The following NEK4 variants were observed in gnomAD, a reference collection of about 807,000 sequenced individuals.
NEK4 encodes NIMA related kinase 4, also known as serine/threonine-protein kinase Nek4.
Under a neutral mutation model 98.4 loss-of-function variants are expected in NEK4, and 86 were observed. The ratio of observed to expected loss-of-function variants is 0.87; its 90% CI spans 0.73 to 1.05. NEK4 has a LOEUF of 1.05. NEK4 is among the 50% of genes least tolerant of loss of function. NEK4 has a pLI of 0.00. For missense variants in NEK4, 898 were observed against 950.3 expected (o/e 0.94, Z 0.72); for synonymous variants, 328 against 342.2 (o/e 0.96, Z 0.46).
chr3:52,739,294 G>T, intron 14 of NEK4, 135 bp downstream of exon 14: 1 of 687,850 alleles, frequency 1.5e-6, no homozygotes, highest in Non-Finnish European at 2.5e-6. Flanking sequence ...AGCTACTTGG[G>T]AGGCTGAAGC....
At chr3:52,721,168 C>G (rs1401387287) in intron 15 of NEK4, among the ~76,000 whole-genome samples, 1 of 152,190 alleles carries the variant, frequency 6.6e-6, no homozygotes, top group East Asian at 1.9e-4. Flanking sequence ...TTGCATGCTG[C>G]TTGCAAGAAC....
Position 52,711,867 on chromosome 3 carries a change from T to C in NEK4, c.2436A>G (p.Val812=), listed in dbSNP as rs1183650487. The part of the protein sequence containing the change: ...LEEEDEFDRE[V]RLREHMGEKY... The stretch of plus-strand genomic sequence containing the variant: ...TTTCACCCATGTGCTCCCGCAAACG[T>C]ACCTATTTGAGAAACAAAAAGAAAA... Residue 812 remains valine (V), a splice_region_variant and synonymous_variant, in exon 16 of 16, where the codon GTA becomes GTG. Coordinates refer to ENST00000233027, the MANE Select transcript of NEK4 (RefSeq NM_003157.6). 4 of 1,581,172 alleles carry C rather than the reference T, an allele frequency of 2.5e-6. No homozygotes were observed. In the Admixed American group the frequency reaches 6.8e-5, roughly 27 times the overall value.
At chr3:52,751,360 G>A (rs995278450) in intron 7 of NEK4, among the ~76,000 whole-genome samples, 14 of 151,896 alleles carry the variant, frequency 9.2e-5, no homozygotes, top group African/African-American at 1.9e-4. Flanking sequence ...GGAGGCTGAC[G>A]CAGGAAAATG....
chr3:52,709,011 C>T lies in NEK4; in HGVS notation c.*2766G>A, dbSNP rs2097347567. 1 of 151,920 alleles carries T rather than the reference C, an allele frequency of 6.6e-6. No homozygotes were observed. The highest frequency in any genetic ancestry group is 1.5e-5 in the Non-Finnish European group (1 of 68,030). 9.4% of individuals were successfully genotyped at this position (151,920 alleles called of 1,614,324 possible). A position where few individuals can be genotyped will look rare whatever the true frequency, so the allele number is the denominator to read the frequency against. On this transcript the variant is annotated 3_prime_UTR_variant, in exon 16 of 16. Transcript: ENST00000233027. ...GACCAGCCTGGCCAACATGGTGAAA[C>T]TCCATCTCTACTAAAAATAACGAAA...
At chr3:52,724,515 C>T (rs187767012) in intron 15 of NEK4, among the ~76,000 whole-genome samples, 183 of 151,794 alleles carry the variant, frequency 1.2e-3, no homozygotes, top group Admixed American at 2.0e-3. Context: ...ACTAGATCTT[C>T]CCTATCAGAA....
chr3:52,741,260 AAG>A (rs1430575160), intron 13 of NEK4, 149 bp downstream of exon 13: 2 of 502,846 alleles, frequency 4.0e-6, no homozygotes, highest in African/African-American at 2.0e-5. Flanking sequence ...AAAAAAAAAG[AAG>A]AGACACTTTT....
chr3:52,733,783 T>C (rs1289282355), intron 15 of NEK4: 3 of 432,124 alleles, frequency 6.9e-6, no homozygotes, highest in East Asian at 1.4e-4. Flanking sequence ...GTAATTCATG[T>C]GGCAAGGTGA....
chr3:52,763,964 G>C (rs549419343), intron 4 of NEK4, among the ~76,000 whole-genome samples: 48 of 152,182 alleles, frequency 3.2e-4, no homozygotes, highest in Non-Finnish European at 5.1e-4. Context: ...TAGGGGATTT[G>C]TGGAATAAAT....
intron 15 of NEK4, chr3:52,733,897 A>G: frequency 6.7e-6 from 2 of 298,574 alleles, no homozygotes; most frequent in South Asian, 3.3e-5. Context: ...GTCGTACTTC[A>G]TAGCTAACAC....
intron 9 of NEK4, 63 bp from the exon 10 acceptor site, chr3:52,746,273 C>T: frequency 1.4e-6 from 2 of 1,476,040 alleles, no homozygotes; most frequent in East Asian, 2.3e-5. Flanking sequence ...GTTCCCCTAT[C>T]AGCAGGTTCT....
chr3:52,726,124 G>C (rs1002743071), intron 15 of NEK4, among the ~76,000 whole-genome samples: 1 of 152,204 alleles, frequency 6.6e-6, no homozygotes, highest in Admixed American at 6.5e-5. Context: ...AGACAAAAAA[G>C]GAGACATATA....
intron 15 of NEK4, among the ~76,000 whole-genome samples, chr3:52,715,838 C>T (rs767351529): frequency 3.3e-5 from 5 of 152,208 alleles, no homozygotes; most frequent in Non-Finnish European, 7.3e-5. Context: ...TGAAACATGC[C>T]CCTTTCTCAC....
At chr3:52,760,772 A>C in intron 6 of NEK4, 23 bp downstream of exon 6, 6 of 1,575,882 alleles carry the variant, frequency 3.8e-6, no homozygotes, top group Non-Finnish European at 5.2e-6. Context: ...TCTAAAACAC[A>C]TACCCTTTAA....
Position 52,708,786 on chromosome 3 carries a change from TA to T in NEK4, c.*2990del. On this transcript the variant is annotated 3_prime_UTR_variant, in exon 16 of 16. Coordinates refer to ENST00000233027, the MANE Select transcript of NEK4 (RefSeq NM_003157.6). ...CAAGCAGTAAAGGTTGTGCAGGTGA[TA>T]TTCAGTAACACTGCAGTGTAGCCAG... 1 of 151,922 alleles carries T rather than the reference TA, an allele frequency of 6.6e-6. No homozygotes were observed. Among genetic ancestry groups the T allele is most frequent in the Admixed American group, 6.5e-5 (1 of 15,278 alleles). The allele number at this position is 151,922 out of a possible 1,614,324, so 9.4% of individuals were successfully genotyped here.
Position 52,730,664 on chromosome 3 carries a change from G to A in NEK4, c.2433+6922C>T, listed in dbSNP as rs534829626. ...GTTGTGCTGGTTTTGTGGATAAGGT[G>A]GGAAGTATCCCCTCTTAAAGTATTC... On this transcript the variant is annotated intron_variant, in intron 15 of 15. Transcript: ENST00000233027. 1.1e-4 allele frequency among the ~76,000 whole-genome samples: 16 copies of A among 152,302 alleles called. 1 individual carries two copies. The highest frequency in any genetic ancestry group is 2.6e-4 in the African/African-American group (11 of 41,576).
At chr3:52,726,081 C>T (rs2097364220) in intron 15 of NEK4, among the ~76,000 whole-genome samples, 1 of 151,850 alleles carries the variant, frequency 6.6e-6, no homozygotes, top group Admixed American at 6.6e-5. Context: ...AAATATCAGA[C>T]AAAATGTCTT....
intron 15 of NEK4, among the ~76,000 whole-genome samples, chr3:52,714,398 C>A (rs1005090830): frequency 6.6e-6 from 1 of 152,230 alleles, no homozygotes; most frequent in Non-Finnish European, 1.5e-5. Context: ...GAGGTGTGAG[C>A]GGTGATGGCA....
rs775138243 is a variant in NEK4, at chr3:52,760,777, CT to C, written c.963+17del. The C allele has an allele frequency of 6.3e-7, 1 of 1,584,368 alleles. No homozygotes were observed. ...AAGTGCAGTTTCTAAAACACATACC[CT>C]TTAAAAAGAAACGTACCATTATATA... On this transcript the variant is annotated intron_variant, in intron 6 of 15. Coordinates refer to ENST00000233027, the MANE Select transcript of NEK4 (RefSeq NM_003157.6).
At chr3:52,763,218 G>A (rs1345566249) in intron 5 of NEK4, among the ~76,000 whole-genome samples, 1 of 152,130 alleles carries the variant, frequency 6.6e-6, no homozygotes, top group Non-Finnish European at 1.5e-5. Context: ...GGGCTCCTGT[G>A]TCACATAAAA....
Sources: gnomAD v4.1 joint callset for allele counts (sites outside exome capture counted in the v4.1 genomes callset) on GRCh38, gnomAD v4.1.1 for gene constraint, MANE v1.5 for transcripts, NCBI Gene and HGNC (gene_info 2026-07-23, HGNC 2026-07-21) for gene names.